CYP4F11: variants seen among roughly 807,000 people sequenced by gnomAD.
CYP4F11 encodes cytochrome P450 4F11.
In CYP4F11, 79 loss-of-function variants were observed where a neutral mutation model predicts 62.2. The ratio of observed to expected loss-of-function variants is 1.27; its 90% CI spans 1.06 to 1.53. CYP4F11 has a LOEUF of 1.53. CYP4F11 is among the 40% of genes most tolerant of loss of function. The pLI is 0.00. For missense variants in CYP4F11, 777 were observed against 680.5 expected, an observed-to-expected ratio of 1.14 and a Z score of -1.58; for synonymous variants, 290 against 263.7, an observed-to-expected ratio of 1.10 and a Z score of -0.97.
chr19:15,916,929 C>A (rs1318483048), intron 8 of CYP4F11, among the ~76,000 whole-genome samples: 1 of 152,104 alleles, frequency 6.6e-6, no homozygotes, highest in Non-Finnish European at 1.5e-5. Flanking sequence ...TAGGTATCTA[C>A]CCAAAGGAAA....
At chr19:15,929,328 C>T in intron 2 of CYP4F11, 129 bp downstream of exon 2, 1 of 1,244,750 alleles carries the variant, frequency 8.0e-7, no homozygotes, top group Non-Finnish European at 1.2e-6. Flanking sequence ...GAAAGAGGAA[C>T]ATGGCTGAGA....
In CYP4F11 at chr19:15,923,811, C is replaced by T; in HGVS notation, c.918+1G>A. ...TGAATTCACATCCCAGAGAAGCCTACCTTGCTCAGCAGAAGCACATCAATG... is the reference window on the plus strand; with the variant it reads ...TGAATTCACATCCCAGAGAAGCCTATCTTGCTCAGCAGAAGCACATCAATG... On this transcript the variant is annotated splice_donor_variant, in intron 6 of 11. Transcript: ENST00000402119. LOFTEE classifies it high-confidence loss of function. The T allele has an allele frequency of 6.2e-7, 1 of 1,611,018 alleles. No homozygotes were observed. The highest frequency in any genetic ancestry group is 8.5e-7 in the Non-Finnish European group (1 of 1,177,390).
chr19:15,913,995 A>C, intron 11 of CYP4F11, 86 bp from the exon 12 acceptor site: 1 of 1,478,198 alleles, frequency 6.8e-7, no homozygotes, highest in Non-Finnish European at 9.1e-7. Context: ...GGGACCCCAA[A>C]CGCACCCACA....
At chr19:15,931,511 T>G (rs1022066579) in intron 1 of CYP4F11, among the ~76,000 whole-genome samples, 5 of 150,818 alleles carry the variant, frequency 3.3e-5, no homozygotes, top group African/African-American at 1.2e-4. Flanking sequence ...TGAGAAAGAC[T>G]TGGGATGGCA....
At chr19:15,915,594 T>C (rs1282674009) in intron 8 of CYP4F11, among the ~76,000 whole-genome samples, 1 of 152,232 alleles carries the variant, frequency 6.6e-6, no homozygotes, top group Non-Finnish European at 1.5e-5. Context: ...TGTATCTTTC[T>C]AGAGATAATT....
In CYP4F11 at chr19:15,913,827, T is replaced by G. The variant is rs2145034215; in HGVS notation, c.1480A>C (p.Thr494Pro). The G allele has an allele frequency of 6.2e-7, 1 of 1,614,004 alleles. No homozygotes were observed. The highest frequency in any genetic ancestry group is 8.5e-7 in the Non-Finnish European group (1 of 1,179,954). Residue 494 changes from threonine (T) to proline (P), a missense_variant, in exon 12 of 12, where the codon ACC becomes CCC. By Grantham distance (38) the Thr-to-Pro change is conservative. Transcript: ENST00000402119. ...GGTTTCCTGCGGGGTTCAGTGTGGG[T>G]CGGCAGGATGCGGAAGTGCAGCAGG... ...LTLLHFRILPTHTEPRRKPEL... is the reference protein window; with the variant it reads ...LTLLHFRILPPHTEPRRKPEL...
chr19:15,923,334 C>G (rs995425221), intron 6 of CYP4F11, among the ~76,000 whole-genome samples: 2 of 150,878 alleles, frequency 1.3e-5, no homozygotes, highest in African/African-American at 2.4e-5. Context: ...TGCTAGCTAG[C>G]TATCCTATAT....
chr19:15,914,805 G>A lies in CYP4F11; in HGVS notation c.1206C>T (p.Cys402=), dbSNP rs762240482. 6.2e-7 allele frequency: 1 copy of A among 1,614,180 alleles called. No individual in the cohort carries two copies. The highest frequency in any genetic ancestry group is 8.5e-7 in the Non-Finnish European group (1 of 1,180,032). ...CGTCTGGGAGCACAAAGTCCTGCGT[G>A]CAACATCGGGAGATGACCGGGACTG... ...HPPVPVISRC[C]TQDFVLPDGR... is the part of the protein sequence containing the mutation. The change falls in exon 9 of 12, where the codon TGC becomes TGT. Residue 402 remains cysteine (C), a synonymous_variant. Coordinates refer to ENST00000402119, the MANE Select transcript of CYP4F11 (RefSeq NM_021187.4).
chr19:15,923,571 T>C (rs1476648146), intron 6 of CYP4F11, among the ~76,000 whole-genome samples: 1 of 152,192 alleles, frequency 6.6e-6, no homozygotes, highest in Non-Finnish European at 1.5e-5. Context: ...CATAAAAATA[T>C]GTCAGCCTAA....
chr19:15,934,333 C>T lies in CYP4F11; in HGVS notation c.76G>A (p.Gly26Arg). 1 of 1,613,580 alleles carries T rather than the reference C, an allele frequency of 6.2e-7. No individual in the cohort carries two copies. Among genetic ancestry groups the T allele is most frequent in the Non-Finnish European group, 8.5e-7 (1 of 1,179,710 alleles). Reference sequence around the variant, plus strand: ...ACGCGGGCCAGGAGCCAGGAGCCTCCAACCAGCAGCAGAAGCAGCCACGGG... The same window carrying T: ...ACGCGGGCCAGGAGCCAGGAGCCTCTAACCAGCAGCAGAAGCAGCCACGGG... Reference protein sequence around the residue: ...ASPWLLLLLVGGSWLLARVLA... With the variant: ...ASPWLLLLLVRGSWLLARVLA... Residue 26 changes from glycine (G) to arginine (R), a missense_variant, in exon 1 of 12, where the codon GGA becomes AGA. By Grantham distance (125) the Gly-to-Arg change is moderately radical. Transcript: ENST00000402119.
At chr19:15,933,245 G>A (rs187080589) in intron 1 of CYP4F11, among the ~76,000 whole-genome samples, 1 of 19,214 alleles carries the variant, frequency 5.2e-5, no homozygotes. Flanking sequence ...AGTGAGCGGG[G>A]AGAGGAATGA....
chr19:15,916,687 A>G (rs1568481254), intron 8 of CYP4F11, among the ~76,000 whole-genome samples: 1 of 152,194 alleles, frequency 6.6e-6, no homozygotes, highest in Non-Finnish European at 1.5e-5. Context: ...GCTCATCACT[A>G]ATCATCAGGG....
chr19:15,925,064 CAT>C lies in CYP4F11; in HGVS notation c.526-184_526-183del, dbSNP rs1367857926. On this transcript the variant is annotated intron_variant, in intron 4 of 11. Transcript: ENST00000402119. ...CTGTTACTATTAGGAGATAAAGACT[CAT>C]GGCTGGGAGTCGAGAGATCTGGGTT... is the stretch of plus-strand genomic sequence containing the variant. Among the ~76,000 whole-genome samples, 9 of 152,340 alleles carry C rather than the reference CAT, an allele frequency of 5.9e-5. No individual in the cohort carries two copies. The East Asian group carries it at 9.6e-4, about 16-fold the overall frequency.
rs749708788 is a variant in CYP4F11, at chr19:15,913,925, A to G, written c.1398-16T>C. ...GATGCAGTTTCTGGGGGCAAAAGTG[A>G]GGGAATCTGACTGTGCCCATGACCC... On this transcript the variant is annotated splice_polypyrimidine_tract_variant and intron_variant, in intron 11 of 11. Coordinates refer to ENST00000402119, the MANE Select transcript of CYP4F11 (RefSeq NM_021187.4). 3.7e-6 allele frequency: 6 copies of G among 1,603,766 alleles called. No individual in the cohort carries two copies. Among genetic ancestry groups the G allele is most frequent in the African/African-American group, 1.3e-5 (1 of 74,944 alleles).
intron 8 of CYP4F11, among the ~76,000 whole-genome samples, chr19:15,919,227 AAT>A (rs2089604514): frequency 1.4e-5 from 2 of 148,044 alleles, no homozygotes; most frequent in Non-Finnish European, 3.0e-5. Context: ...AAATTAAATA[AAT>A]ATGTTAATAA....
rs1568479728 is a variant in CYP4F11 at position 15,912,781 on chromosome 19, A to ATGTGTGTGTGTGTG, written c.*950_*951insCACACACACACACA. 8.2e-5 allele frequency: 8 copies of ATGTGTGTGTGTGTG among 97,560 alleles called. No individual in the cohort carries two copies. Among genetic ancestry groups the ATGTGTGTGTGTGTG allele is most frequent in the African/African-American group, 4.1e-4 (8 of 19,564 alleles). The allele number at this position is 97,560 out of a possible 1,614,324, so 6.0% of individuals were successfully genotyped here. ...TGTGTGTGTGTGTGTGTATATATATATATATATAATATATATATATATATA... is the reference window on the plus strand; with the variant it reads ...TGTGTGTGTGTGTGTGTATATATATATGTGTGTGTGTGTGTATATATAATATATATATATATATA... On this transcript the variant is annotated 3_prime_UTR_variant, in exon 12 of 12. Coordinates refer to ENST00000402119, the MANE Select transcript of CYP4F11 (RefSeq NM_021187.4).
chr19:15,916,725 A>AC (rs1375811337), intron 8 of CYP4F11, among the ~76,000 whole-genome samples: 1 of 151,892 alleles, frequency 6.6e-6, no homozygotes, highest in East Asian at 1.9e-4. Flanking sequence ...ACAGTGAGAT[A>AC]CCCCCTACTT....
At chr19:15,927,880 C>A in intron 2 of CYP4F11, 1 of 199,800 alleles carries the variant, frequency 5.0e-6, no homozygotes, top group Non-Finnish European at 1.0e-5. Context: ...GTTAACATTC[C>A]CTGACATGGC....
intron 6 of CYP4F11, among the ~76,000 whole-genome samples, chr19:15,923,238 C>CCTCTCTCTCTCTCTCTCTCTCTCT (rs3056063): frequency 6.3e-5 from 7 of 110,510 alleles, no homozygotes; most frequent in African/African-American, 2.5e-4. Context: ...AAGCAAACAT[C>CCTCTCTCTCTCTCTCTCTCTCTCT]CTCTCTCTCT....
Sources: allele counts gnomAD v4.1 joint callset (sites outside exome capture counted in the v4.1 genomes callset), GRCh38; gene constraint gnomAD v4.1.1; transcripts MANE v1.5; gene names NCBI Gene and HGNC (gene_info 2026-07-23, HGNC 2026-07-21).